NOL4: variants seen among roughly 807,000 people sequenced by gnomAD.
NOL4 encodes cancer/testis antigen 125.
Under a neutral mutation model 75.9 loss-of-function variants are expected in NOL4, and 17 were observed. The observed-to-expected ratio is 0.22, with a 90% CI of 0.15 to 0.34. NOL4 has a LOEUF of 0.34. Ranked by LOEUF, NOL4 falls within the 10% of genes least tolerant of loss-of-function variation. NOL4 has a pLI of 1.00. For missense variants in NOL4, 614 were observed against 793.5 expected (o/e 0.77, Z 2.72); for synonymous variants, 292 against 289.9 (o/e 1.01, Z -0.07).
intron 10 of NOL4, among the ~76,000 whole-genome samples, chr18:33,861,523 CT>C (rs1159306905): frequency 2.0e-5 from 3 of 152,038 alleles, no homozygotes; most frequent in Non-Finnish European, 2.9e-5. Context: ...ATTCTTCTCT[CT>C]TTTTTTCTTT....
chr18:34,102,463 G>C (rs2079082765), intron 4 of NOL4, among the ~76,000 whole-genome samples: 1 of 151,786 alleles, frequency 6.6e-6, no homozygotes, highest in South Asian at 2.1e-4. Flanking sequence ...TAAAAATTTT[G>C]CAAATAATCT....
At chr18:33,996,847 T>C (rs2073323008) in intron 6 of NOL4, among the ~76,000 whole-genome samples, 1 of 151,850 alleles carries the variant, frequency 6.6e-6, no homozygotes, top group Admixed American at 6.6e-5. Flanking sequence ...TCTTTGCTAT[T>C]GCGAATAGCA....
intron 1 of NOL4, chr18:34,156,685 A>G (rs962999608): frequency 6.6e-6 from 1 of 152,536 alleles, no homozygotes; most frequent in South Asian, 2.1e-4. Context: ...TACCACTGTC[A>G]TCGCTGATCC....
At chr18:34,004,708 C>T (rs570414541) in intron 6 of NOL4, among the ~76,000 whole-genome samples, 17 of 152,072 alleles carry the variant, frequency 1.1e-4, no homozygotes, top group African/African-American at 4.1e-4. Context: ...ATTAAAATTG[C>T]TTCTATTCAT....
chr18:33,894,076 G>T (rs550990214), intron 9 of NOL4, among the ~76,000 whole-genome samples: 1 of 152,232 alleles, frequency 6.6e-6, no homozygotes, highest in South Asian at 2.1e-4. Context: ...GGGCAAGGGA[G>T]TGCAATTTGT....
chr18:34,182,666 C>T (rs969523085), intron 1 of NOL4, among the ~76,000 whole-genome samples: 1 of 151,548 alleles, frequency 6.6e-6, no homozygotes, highest in Admixed American at 6.6e-5. Flanking sequence ...AAAAGATATG[C>T]TCCAGAATGT....
chr18:34,134,566 C>G (rs1476452286), intron 1 of NOL4, among the ~76,000 whole-genome samples: 2 of 151,332 alleles, frequency 1.3e-5, no homozygotes, highest in Non-Finnish European at 2.9e-5. Context: ...AACGTAAAAG[C>G]TCACCTTCCA....
chr18:34,206,072 TA>T (rs1195213165), intron 1 of NOL4, among the ~76,000 whole-genome samples: 3 of 152,186 alleles, frequency 2.0e-5, no homozygotes, highest in South Asian at 2.1e-4. Flanking sequence ...CTGTCTAATT[TA>T]TCTTTGAATT....
intron 1 of NOL4, among the ~76,000 whole-genome samples, chr18:34,171,038 G>A (rs1317780564): frequency 1.3e-5 from 2 of 152,116 alleles, no homozygotes; most frequent in Non-Finnish European, 2.9e-5. Context: ...ATAAATATTT[G>A]AGGCTTTCTT....
intron 5 of NOL4, among the ~76,000 whole-genome samples, chr18:34,083,358 A>C (rs1027302639): frequency 1.3e-5 from 2 of 152,186 alleles, no homozygotes; most frequent in Non-Finnish European, 2.9e-5. Flanking sequence ...AGAAGAGTGG[A>C]AAGTCTGTTC....
At chr18:34,188,798 A>AT (rs1439516998) in intron 1 of NOL4, among the ~76,000 whole-genome samples, 1 of 152,186 alleles carries the variant, frequency 6.6e-6, no homozygotes, top group Admixed American at 6.5e-5. Flanking sequence ...TCAAACCATC[A>AT]TAAGTCCATC....
intron 9 of NOL4, among the ~76,000 whole-genome samples, chr18:33,921,584 A>T (rs1212870673): frequency 6.6e-6 from 1 of 152,206 alleles, no homozygotes; most frequent in Admixed American, 6.5e-5. Flanking sequence ...AGACACAGAC[A>T]GAAACAGGGA....
At chr18:34,148,807 G>T (rs1023617712) in intron 1 of NOL4, among the ~76,000 whole-genome samples, 2 of 151,894 alleles carry the variant, frequency 1.3e-5, no homozygotes, top group Admixed American at 6.6e-5. Flanking sequence ...TATTGACAGG[G>T]GGGTATTAAA....
At chr18:33,985,552 C>T (rs1365857926) in intron 6 of NOL4, among the ~76,000 whole-genome samples, 1 of 152,104 alleles carries the variant, frequency 6.6e-6, no homozygotes, top group Non-Finnish European at 1.5e-5. Context: ...AGACCTGATC[C>T]TCAAAAATCG....
chr18:34,216,139 A>C (rs1403454107), intron 1 of NOL4, among the ~76,000 whole-genome samples: 6 of 152,196 alleles, frequency 3.9e-5, no homozygotes, highest in Admixed American at 3.9e-4. Flanking sequence ...GGCCTAACTG[A>C]AGTCATAAAC....
chr18:34,063,293 C>G (rs1206601325), intron 5 of NOL4, among the ~76,000 whole-genome samples: 1 of 152,068 alleles, frequency 6.6e-6, no homozygotes, highest in Non-Finnish European at 1.5e-5. Context: ...GGTCTCAACA[C>G]AAGTACTCCC....
rs1456536092 is a variant in NOL4, at chr18:34,176,628, T to C, written c.264+46362A>G. On this transcript the variant is annotated intron_variant, in intron 1 of 10. Coordinates refer to ENST00000261592, the MANE Select transcript of NOL4 (RefSeq NM_003787.5). ...AGATCATAAGAATGGGCTCTCATAA[T>C]AGGACTGGTGCCCTTATATGTAGAA... Among the ~76,000 whole-genome samples the C allele has an allele frequency of 2.6e-5, 4 of 152,094 alleles. No individual in the cohort carries two copies. In the East Asian group the frequency reaches 7.7e-4, roughly 29 times the overall value.
intron 10 of NOL4, among the ~76,000 whole-genome samples, chr18:33,871,008 C>T (rs1233016531): frequency 6.6e-6 from 1 of 152,012 alleles, no homozygotes; most frequent in African/African-American, 2.4e-5. Context: ...GGAGGCAAAA[C>T]TTGCACTGTG....
intron 6 of NOL4, among the ~76,000 whole-genome samples, chr18:33,978,978 T>C (rs998893758): frequency 1.3e-5 from 2 of 152,028 alleles, no homozygotes; most frequent in African/African-American, 4.8e-5. Flanking sequence ...TTGGGCAATA[T>C]TGATGTTTAA....
Sources: gnomAD v4.1 joint callset for allele counts (sites outside exome capture counted in the v4.1 genomes callset) on GRCh38, gnomAD v4.1.1 for gene constraint, MANE v1.5 for transcripts, NCBI Gene and HGNC (gene_info 2026-07-23, HGNC 2026-07-21) for gene names.